OGDH: variants seen among roughly 807,000 people sequenced by gnomAD.
OGDH encodes oxoglutarate dehydrogenase.
OGDH carries 38 observed loss-of-function variants against 116.6 expected under a neutral mutation model. That is an observed-to-expected ratio of 0.33 (90% confidence interval 0.25 to 0.43). The LOEUF (loss-of-function observed/expected upper bound fraction) is 0.43. OGDH is among the 20% of genes least tolerant of loss of function. The pLI is 1.00. For missense variants in OGDH, 825 were observed against 1,357.2 expected (o/e 0.61, Z 6.16); for synonymous variants, 488 against 533.3 (o/e 0.92, Z 1.17).
intron 2 of OGDH, among the ~76,000 whole-genome samples, chr7:44,631,224 G>A (rs1368440072): frequency 6.6e-6 from 1 of 152,230 alleles, no homozygotes; most frequent in Non-Finnish European, 1.5e-5. Flanking sequence ...AGGGCTGACT[G>A]TATACATAAA....
rs115805459 is a variant in OGDH, at chr7:44,633,992, T to G, written c.222+9427T>G. On this transcript the variant is annotated intron_variant, in intron 2 of 22. Coordinates refer to ENST00000222673, the MANE Select transcript of OGDH (RefSeq NM_002541.4). ...AAAAAGTCTGGTTTCCATGAATGTT[T>G]GTATAACAAACCACCTCAAAACTTG... Among the ~76,000 whole-genome samples the G allele has an allele frequency of 4.2e-3, 638 of 152,336 alleles. 4 individuals are homozygous for G. The highest frequency in any genetic ancestry group is 0.013 in the African/African-American group (557 of 41,572).
At chr7:44,664,611 C>T (rs773829254) in intron 4 of OGDH, among the ~76,000 whole-genome samples, 1 of 152,152 alleles carries the variant, frequency 6.6e-6, no homozygotes, top group East Asian at 1.9e-4. Flanking sequence ...AGGGAACTCC[C>T]TGGTGTGTTT....
chr7:44,632,698 A>G (rs1322365220), intron 2 of OGDH, among the ~76,000 whole-genome samples: 1 of 150,742 alleles, frequency 6.6e-6, no homozygotes, highest in Admixed American at 6.6e-5. Flanking sequence ...GCTCACTGCA[A>G]CCTCCGCCTC....
chr7:44,610,918 T>A (rs1426816285), intron 1 of OGDH, among the ~76,000 whole-genome samples: 3 of 152,122 alleles, frequency 2.0e-5, no homozygotes, highest in African/African-American at 4.8e-5. Flanking sequence ...CCTTTTCATC[T>A]TCTTAACGGG....
At chr7:44,680,265 C>T (rs1407163627) in intron 9 of OGDH, among the ~76,000 whole-genome samples, 2 of 152,032 alleles carry the variant, frequency 1.3e-5, no homozygotes, top group East Asian at 3.8e-4. Flanking sequence ...CTCTCTCCCT[C>T]TTCCTCTTCA....
At chr7:44,663,485 T>C (rs1225475422) in intron 4 of OGDH, among the ~76,000 whole-genome samples, 1 of 152,172 alleles carries the variant, frequency 6.6e-6, no homozygotes, top group Non-Finnish European at 1.5e-5. Flanking sequence ...ATACAAAAAC[T>C]AGGCCGGGTG....
At position 44,675,076 on chromosome 7, in the gene OGDH, G is replaced by A. The variant is rs933041797; in HGVS notation, c.936-102G>A. 58 of 885,536 alleles carry A rather than the reference G, an allele frequency of 6.5e-5. 1 individual carries two copies. Among genetic ancestry groups the A allele is most frequent in the South Asian group, 1.1e-4 (8 of 71,072 alleles). The allele number at this position is 885,536 out of a possible 1,614,324, so 54.9% of individuals were successfully genotyped here. ...TTGGGCTGCAAACCGAGGAGGTGCC[G>A]TGTCCTGGGGGGAGGGGGAGGGGGG... is the stretch of plus-strand genomic sequence containing the variant. On this transcript the variant is annotated intron_variant, in intron 7 of 22. Coordinates refer to ENST00000222673, the MANE Select transcript of OGDH (RefSeq NM_002541.4).
At chr7:44,609,886 A>G (rs930100171) in intron 1 of OGDH, among the ~76,000 whole-genome samples, 7 of 152,154 alleles carry the variant, frequency 4.6e-5, no homozygotes, top group African/African-American at 1.7e-4. Context: ...CATTCCAATA[A>G]ATGTGTAGTA....
chr7:44,648,507 T>A (rs1422791603), intron 4 of OGDH, among the ~76,000 whole-genome samples: 1 of 152,200 alleles, frequency 6.6e-6, no homozygotes, highest in Non-Finnish European at 1.5e-5. Context: ...GAAATGATGA[T>A]GTGACTAATT....
At chr7:44,696,616 G>T in intron 14 of OGDH, 59 bp downstream of exon 14, 1 of 1,600,320 alleles carries the variant, frequency 6.2e-7, no homozygotes, top group Non-Finnish European at 8.5e-7. Context: ...GGCGACGACT[G>T]TCTAGGACTG....
chr7:44,616,173 G>A (rs187843065), intron 1 of OGDH, among the ~76,000 whole-genome samples: 6 of 152,222 alleles, frequency 3.9e-5, no homozygotes, highest in South Asian at 2.1e-4. Context: ...CAGGAAACAC[G>A]TTTTATATAT....
chr7:44,647,597 C>G, intron 3 of OGDH, 60 bp from the exon 4 acceptor site: 8 of 1,547,316 alleles, frequency 5.2e-6, no homozygotes, highest in Non-Finnish European at 7.1e-6. Context: ...CCCCTTCCCT[C>G]TTTTTTTTTC....
intron 2 of OGDH, among the ~76,000 whole-genome samples, chr7:44,631,751 TC>T (rs1785447861): frequency 6.6e-6 from 1 of 152,234 alleles, no homozygotes; most frequent in African/African-American, 2.4e-5. Flanking sequence ...TGCCCTGTTA[TC>T]CTAGCAGGAT....
chr7:44,679,564 C>A (rs1441843535), intron 9 of OGDH, among the ~76,000 whole-genome samples: 2 of 152,164 alleles, frequency 1.3e-5, no homozygotes, highest in East Asian at 1.9e-4. Flanking sequence ...AGGTGCAGGT[C>A]AGTAGGCCCG....
At chr7:44,690,833 G>C (rs1289614905) in intron 10 of OGDH, among the ~76,000 whole-genome samples, 3 of 152,154 alleles carry the variant, frequency 2.0e-5, no homozygotes, top group Non-Finnish European at 4.4e-5. Context: ...TCCTGCTGCA[G>C]GCCCTTCTTT....
At chr7:44,612,561 T>G (rs1034285200) in intron 1 of OGDH, among the ~76,000 whole-genome samples, 5 of 151,998 alleles carry the variant, frequency 3.3e-5, no homozygotes, top group African/African-American at 1.2e-4. Context: ...TTTTTTTTAT[T>G]TTTAGTAGAG....
intron 20 of OGDH, among the ~76,000 whole-genome samples, chr7:44,706,041 A>G (rs965031871): frequency 4.6e-5 from 7 of 152,108 alleles, no homozygotes; most frequent in African/African-American, 1.4e-4. Flanking sequence ...CTCCCAGGCT[A>G]GAGTGATTCT....
chr7:44,700,921 CAGGAGAAT>C (rs1788801003), intron 19 of OGDH, among the ~76,000 whole-genome samples: 1 of 152,120 alleles, frequency 6.6e-6, no homozygotes. Context: ...GAGGCTGAGG[CAGGAGAAT>C]AGGAGAATAG....
Position 44,697,536 on chromosome 7 carries a change from A to G in OGDH, c.2179+39A>G. ...GCCACACCACCAGGGCCTGTCACCCACCCACCCCCGCTGGGCCTACTGGCT... is the reference window on the plus strand; with the variant it reads ...GCCACACCACCAGGGCCTGTCACCCGCCCACCCCCGCTGGGCCTACTGGCT... On this transcript the variant is annotated intron_variant, in intron 16 of 22. Coordinates refer to ENST00000222673, the MANE Select transcript of OGDH (RefSeq NM_002541.4). The surrounding 1 kb of genome is among the most constrained non-coding windows in gnomAD (Gnocchi z 6.0). 6.2e-7 allele frequency: 1 copy of G among 1,612,984 alleles called. No individual in the cohort carries two copies.
Sources: gnomAD v4.1 joint callset for allele counts (sites outside exome capture counted in the v4.1 genomes callset) on GRCh38, gnomAD v4.1.1 for gene constraint, Gnocchi (gnomAD v3.1) non-coding constraint, MANE v1.5 for transcripts, NCBI Gene and HGNC (gene_info 2026-07-23, HGNC 2026-07-21) for gene names.